ZNF536: variants seen among roughly 807,000 people sequenced by gnomAD.
ZNF536 encodes zinc finger protein 536.
In ZNF536, 13 loss-of-function variants were observed where a neutral mutation model predicts 84.5. The ratio of observed to expected loss-of-function variants is 0.15; its 90% CI spans 0.10 to 0.24. ZNF536 has a LOEUF of 0.24. ZNF536 is among the 10% of genes least tolerant of loss of function. The probability of loss-of-function intolerance (pLI) is 1.00; values close to 1 mark genes in which losing one functional copy is unlikely to be tolerated. For missense variants in ZNF536, 1,536 were observed against 1,747.5 expected, an observed-to-expected ratio of 0.88 and a Z score of 2.16; for synonymous variants, 811 against 742.5, an observed-to-expected ratio of 1.09 and a Z score of -1.50.
intron 2 of ZNF536, among the ~76,000 whole-genome samples, chr19:30,318,420 C>T (rs536760912): frequency 2.6e-5 from 4 of 152,210 alleles, no homozygotes; most frequent in Admixed American, 6.5e-5. Flanking sequence ...AAGGCTAGGG[C>T]GGGCAGATGC....
At chr19:30,319,717 C>A (rs1406893981) in intron 2 of ZNF536, among the ~76,000 whole-genome samples, 1 of 152,218 alleles carries the variant, frequency 6.6e-6, no homozygotes, top group Non-Finnish European at 1.5e-5. Context: ...GGCAAGATTG[C>A]ATCTCCATTT....
chr19:30,702,918 C>A (rs1369075066), intron 1 of ZNF536, among the ~76,000 whole-genome samples: 1 of 152,216 alleles, frequency 6.6e-6, no homozygotes, highest in Non-Finnish European at 1.5e-5. Flanking sequence ...AAAGCTCAGT[C>A]CTTGCCCCCG....
chr19:30,547,445 A>G lies in ZNF536; in HGVS notation c.2324-498A>G, dbSNP rs75284776. Among the ~76,000 whole-genome samples, 917 of 152,356 alleles carry G rather than the reference A, an allele frequency of 6.0e-3. 13 individuals carry two copies. Among genetic ancestry groups the G allele is most frequent in the African/African-American group, 0.021 (860 of 41,582 alleles). The stretch of plus-strand genomic sequence containing the variant: ...CATTTGCTAATTATATCCATGATTT[A>G]CTGCAGAGCAAGACTTAAATCATTC... On this transcript the variant is annotated intron_variant, in intron 3 of 4. Transcript: ENST00000355537.
intron 3 of ZNF536, among the ~76,000 whole-genome samples, chr19:30,356,299 A>G (rs1180570022): frequency 6.6e-6 from 1 of 152,214 alleles, no homozygotes; most frequent in East Asian, 1.9e-4. Flanking sequence ...TTTATGTAAC[A>G]GACAAACTGT....
intron 1 of ZNF536, among the ~76,000 whole-genome samples, chr19:30,573,721 T>G (rs908565829): frequency 1.3e-5 from 2 of 152,168 alleles, no homozygotes; most frequent in African/African-American, 2.4e-5. Context: ...GGACTTTTGA[T>G]GGCCATACAC....
chr19:30,534,535 GA>G (rs2044988429), intron 2 of ZNF536, among the ~76,000 whole-genome samples: 1 of 151,852 alleles, frequency 6.6e-6, no homozygotes, highest in South Asian at 2.1e-4. Context: ...TTAAACTTTT[GA>G]AAAAAATATT....
At chr19:30,575,501 G>A (rs1402974136) in intron 1 of ZNF536, among the ~76,000 whole-genome samples, 4 of 152,338 alleles carry the variant, frequency 2.6e-5, no homozygotes, top group Non-Finnish European at 2.9e-5. Context: ...AGCGACATCT[G>A]TCTTGCTCAG....
chr19:30,404,438 G>T (rs766075520), intron 1 of ZNF536, among the ~76,000 whole-genome samples: 15 of 152,164 alleles, frequency 9.9e-5, no homozygotes, highest in Non-Finnish European at 2.1e-4. Context: ...AGGCAGTCTG[G>T]GGTTCAGTCC....
At chr19:30,463,854 G>T (rs914366877) in intron 2 of ZNF536, among the ~76,000 whole-genome samples, 6 of 152,082 alleles carry the variant, frequency 3.9e-5, no homozygotes, top group Non-Finnish European at 8.8e-5. Context: ...GTGTGGCTCG[G>T]GGATGAAACC....
chr19:30,525,012 C>T (rs2044516874), intron 2 of ZNF536, among the ~76,000 whole-genome samples: 1 of 152,036 alleles, frequency 6.6e-6, no homozygotes, highest in Non-Finnish European at 1.5e-5. Context: ...TCTCTTTATG[C>T]TTATGTGAAG....
downstream of ZNF536, among the ~76,000 whole-genome samples, chr19:30,560,099 C>T (rs569186127): frequency 4.6e-5 from 7 of 152,112 alleles, no homozygotes; most frequent in African/African-American, 7.2e-5. Context: ...TCAACAGTTG[C>T]GTGTTCTTGG....
rs140625536 is a variant in ZNF536 at position 30,290,444 on chromosome 19, A to C, written c.-120+6303A>C. ...ACGTGCACACCACTACTAATTTAAA[A>C]ATTTTTTTGTAGATATGGGATCTTT... On this transcript the variant is annotated intron_variant, in intron 2 of 5. Coordinates refer to the ZNF536 transcript ENST00000585628. Among the ~76,000 whole-genome samples the C allele has an allele frequency of 5.5e-3, 839 of 152,016 alleles. 9 individuals carry two copies. The highest frequency in any genetic ancestry group is 0.019 in the African/African-American group (807 of 41,468).
chr19:30,688,727 A>G (rs948887181), intron 1 of ZNF536, among the ~76,000 whole-genome samples: 3 of 152,176 alleles, frequency 2.0e-5, no homozygotes, highest in Non-Finnish European at 2.9e-5. Context: ...ATGGACTCCC[A>G]TATTTCATTT....
intron 2 of ZNF536, among the ~76,000 whole-genome samples, chr19:30,533,371 T>G (rs2145911494): frequency 6.6e-6 from 1 of 152,168 alleles, no homozygotes; most frequent in South Asian, 2.1e-4. Context: ...AAATAGAAAC[T>G]TAGCAAGGCA....
chr19:30,310,450 A>G (rs1029696514), intron 2 of ZNF536, among the ~76,000 whole-genome samples: 2 of 152,220 alleles, frequency 1.3e-5, no homozygotes, highest in Non-Finnish European at 2.9e-5. Context: ...TGATGATGCG[A>G]TCATCGGTTT....
chr19:30,287,867 C>G (rs1338678242), intron 2 of ZNF536, among the ~76,000 whole-genome samples: 1 of 152,142 alleles, frequency 6.6e-6, no homozygotes, highest in Non-Finnish European at 1.5e-5. Context: ...GTCTCTATCT[C>G]AAGCCCTAAC....
chr19:30,379,095 T>A (rs1301643213), intron 1 of ZNF536, among the ~76,000 whole-genome samples: 1 of 152,184 alleles, frequency 6.6e-6, no homozygotes, highest in African/African-American at 2.4e-5. Flanking sequence ...TCAAATATTG[T>A]TTGAAATATG....
At chr19:30,599,770 C>T (rs2047616112) in intron 1 of ZNF536, among the ~76,000 whole-genome samples, 1 of 152,184 alleles carries the variant, frequency 6.6e-6, no homozygotes, top group Non-Finnish European at 1.5e-5. Flanking sequence ...GTACATTTCA[C>T]AAAGCACATT....
At chr19:30,653,967 G>T (rs988509785) in intron 1 of ZNF536, among the ~76,000 whole-genome samples, 1 of 152,202 alleles carries the variant, frequency 6.6e-6, no homozygotes, top group African/African-American at 2.4e-5. Flanking sequence ...ACTCACCTGC[G>T]TGCTTTAGCT....
Sources: gnomAD v4.1 joint callset for allele counts (sites outside exome capture counted in the v4.1 genomes callset) on GRCh38, gnomAD v4.1.1 for gene constraint, MANE v1.5 for transcripts, NCBI Gene and HGNC (gene_info 2026-07-23, HGNC 2026-07-21) for gene names.